Variants in PCDHA10 observed in about 807,000 individuals in gnomAD.
PCDHA10 encodes the protein protocadherin alpha 10.
PCDHA10 carries 45 observed loss-of-function variants against 61.2 expected under a neutral mutation model. The observed-to-expected ratio is 0.74, with a 90% CI of 0.58 to 0.94. The LOEUF is 0.94. PCDHA10 is among the 40% of genes least tolerant of loss of function. The pLI is 0.00. For missense variants in PCDHA10, 1,278 were observed against 1,236.2 expected, an observed-to-expected ratio of 1.03 and a Z score of -0.51; for synonymous variants, 602 against 548.8, an observed-to-expected ratio of 1.10 and a Z score of -1.35.
chr5:140,966,909 T>C, intron 1 of PCDHA10: 1 of 1,601,466 alleles, frequency 6.2e-7, no homozygotes, highest in Non-Finnish European at 8.5e-7. Context: ...CGATACTCTG[T>C]GCCAGAGGAG....
chr5:140,994,229 A>G (rs1488908759), intron 3 of PCDHA10, among the ~76,000 whole-genome samples: 3 of 152,188 alleles, frequency 2.0e-5, no homozygotes, highest in African/African-American at 7.2e-5. Flanking sequence ...TGTCTATGTT[A>G]TAATCAATTC....
intron 1 of PCDHA10, among the ~76,000 whole-genome samples, chr5:140,900,519 T>G (rs1264399196): frequency 6.6e-6 from 1 of 152,224 alleles, no homozygotes; most frequent in East Asian, 1.9e-4. Flanking sequence ...TCAGGTGATC[T>G]GCCCACCTCG....
rs782574851 is a variant in PCDHA10 at position 140,857,853 on chromosome 5, A to G, written c.1805A>G (p.Tyr602Cys). ...KVRAVDADSG[Y>C]NAWLSYELQS... is the part of the protein sequence containing the mutation. The stretch of plus-strand genomic sequence containing the variant: ...CGCGCAGTGGACGCTGACTCTGGAT[A>G]CAACGCGTGGCTGTCGTATGAATTG... The change falls in exon 1 of 4, where the codon TAC becomes TGC. Residue 602 changes from tyrosine to cysteine, a missense_variant. Coordinates refer to ENST00000307360, the MANE Select transcript of PCDHA10 (RefSeq NM_018901.4). The G allele has an allele frequency of 1.3e-6, 2 of 1,597,574 alleles. No homozygotes were observed. The highest frequency in any genetic ancestry group is 2.2e-5 in the East Asian group (1 of 44,792).
chr5:140,871,673 C>T (rs980419228), intron 1 of PCDHA10: 1 of 1,142,814 alleles, frequency 8.8e-7, no homozygotes, highest in East Asian at 2.6e-5. Flanking sequence ...GTCTTTTAAT[C>T]ATATGAATAA....
intron 3 of PCDHA10, among the ~76,000 whole-genome samples, chr5:140,982,966 G>A (rs1407279371): frequency 6.6e-6 from 1 of 151,986 alleles, no homozygotes; most frequent in African/African-American, 2.4e-5. Flanking sequence ...CCCACCCAAA[G>A]TAGTAAGGAA....
chr5:140,972,260 C>T (rs155805), intron 1 of PCDHA10, among the ~76,000 whole-genome samples: 8,116 of 151,624 alleles, frequency 0.054, 294 homozygotes, highest in Middle Eastern at 0.15. Flanking sequence ...ACACATCAGC[C>T]TCCTGAGTAG....
intron 3 of PCDHA10, among the ~76,000 whole-genome samples, chr5:141,005,485 T>C (rs57509018): frequency 5.3e-5 from 8 of 151,370 alleles, no homozygotes; most frequent in Non-Finnish European, 1.0e-4. Context: ...GGGCGGATCA[T>C]GAGGTCAGGA....
chr5:140,926,180 C>A (rs1341994925), intron 1 of PCDHA10, among the ~76,000 whole-genome samples: 1 of 151,710 alleles, frequency 6.6e-6, no homozygotes, highest in Admixed American at 6.6e-5. Flanking sequence ...CGCGGAAAGC[C>A]CCCCGCAGCA....
intron 1 of PCDHA10, among the ~76,000 whole-genome samples, chr5:140,941,208 T>TTCCTTTCTTTCTTTCTTTCTTTCG (rs2092839762): frequency 9.1e-6 from 1 of 109,450 alleles, no homozygotes; most frequent in Non-Finnish European, 2.0e-5. Context: ...TCTTCCTTTC[T>TTCCTTTCTTTCTTTCTTTCTTTCG]TTCTTCCTTT....
rs782163702 is a variant in PCDHA10, at chr5:140,979,042, C to G, written c.2447+35C>G. 3.1e-6 allele frequency: 5 copies of G among 1,612,562 alleles called. No individual in the cohort carries two copies. The South Asian group carries it at 4.4e-5, about 14-fold the overall frequency. Reference sequence around the variant, plus strand: ...TCCCTCCTCATTCACTCAGAAGTAACCTTAACTTGGTATGGCTCAGATAAA... The same window carrying G: ...TCCCTCCTCATTCACTCAGAAGTAAGCTTAACTTGGTATGGCTCAGATAAA... On this transcript the variant is annotated intron_variant, in intron 2 of 3. Coordinates refer to ENST00000307360, the MANE Select transcript of PCDHA10 (RefSeq NM_018901.4).
At position 140,857,185 on chromosome 5, in the gene PCDHA10, A is replaced by T. The variant is rs782245615; in HGVS notation, c.1137A>T (p.Gly379=). 1 of 1,598,506 alleles carries T rather than the reference A, an allele frequency of 6.3e-7. No individual in the cohort carries two copies. The highest frequency in any genetic ancestry group is 1.1e-5 in the South Asian group (1 of 90,544). ...TCAGCGTTTCTGACCATGATTCAGG[A>T]GCCAACGGACAGGTCACCTGCTCTC... ...ALISVSDHDS[G]ANGQVTCSLT... Residue 379 remains glycine, a synonymous_variant, in exon 1 of 4, where the codon GGA becomes GGT. Transcript: ENST00000307360.
intron 1 of PCDHA10, among the ~76,000 whole-genome samples, chr5:140,921,752 C>T (rs1429216387): frequency 6.6e-6 from 1 of 152,130 alleles, no homozygotes; most frequent in Non-Finnish European, 1.5e-5. Context: ...TAACAGGACA[C>T]TTCTTGGCTA....
At chr5:140,884,104 G>A in intron 1 of PCDHA10, 3 of 1,613,464 alleles carry the variant, frequency 1.9e-6, no homozygotes, top group African/African-American at 1.3e-5. Flanking sequence ...ATGAATTGCA[G>A]CTGGCGGCGG....
chr5:140,928,903 T>C, intron 1 of PCDHA10: 1 of 1,614,190 alleles, frequency 6.2e-7, no homozygotes, highest in Non-Finnish European at 8.5e-7. Flanking sequence ...TGAAGATGTC[T>C]GGGAACCAGG....
At chr5:140,907,582 G>C (rs978225789) in intron 1 of PCDHA10, among the ~76,000 whole-genome samples, 8 of 152,190 alleles carry the variant, frequency 5.3e-5, no homozygotes, top group African/African-American at 1.9e-4. Context: ...CAGGTAGCTG[G>C]CTGATCACCC....
intron 1 of PCDHA10, chr5:140,869,015 A>G (rs2050795044): frequency 6.6e-7 from 1 of 1,524,382 alleles, no homozygotes; most frequent in Non-Finnish European, 8.8e-7. Flanking sequence ...GAAACTTCTT[A>G]AGAATTCAAC....
At chr5:140,927,592 G>A in intron 1 of PCDHA10, 5 of 1,614,170 alleles carry the variant, frequency 3.1e-6, no homozygotes, top group Non-Finnish European at 4.2e-6. Context: ...GCCTGTATTT[G>A]AGCGCTCCGT....
chr5:140,883,179 C>A, intron 1 of PCDHA10: 4 of 1,613,776 alleles, frequency 2.5e-6, no homozygotes, highest in Non-Finnish European at 1.7e-6. Flanking sequence ...GAAATTAGGA[C>A]AAAAGGCAAA....
intron 1 of PCDHA10, chr5:140,875,556 C>G (rs781896642): frequency 6.2e-7 from 1 of 1,614,128 alleles, no homozygotes; most frequent in East Asian, 2.2e-5. Flanking sequence ...AGGTGGGGAG[C>G]GGCCAGCTCC....
Sources: gnomAD v4.1 joint callset for allele counts (sites outside exome capture counted in the v4.1 genomes callset) on GRCh38, gnomAD v4.1.1 for gene constraint, MANE v1.5 for transcripts, NCBI Gene and HGNC (gene_info 2026-07-23, HGNC 2026-07-21) for gene names.